Variants in ARHGAP19 observed in about 807,000 individuals in gnomAD.
ARHGAP19 encodes the protein Rho GTPase activating protein 19.
A neutral mutation model predicts 60.9 loss-of-function variants in ARHGAP19; 48 were observed. The observed-to-expected ratio is 0.79, with a 90% CI of 0.62 to 1.00. The LOEUF (loss-of-function observed/expected upper bound fraction) is 1.00. Ranked by LOEUF, ARHGAP19 falls within the 50% of genes least tolerant of loss-of-function variation. The probability of loss-of-function intolerance (pLI) is 0.00; values close to 1 mark genes in which losing one functional copy is unlikely to be tolerated. For synonymous variants in ARHGAP19, 209 were observed against 215.5 expected (o/e 0.97, Z 0.27); for missense variants, 562 against 597.2 (o/e 0.94, Z 0.61).
chr10:97,246,419 C>A, intron 6 of ARHGAP19, 82 bp from the exon 7 acceptor site: 1 of 1,103,592 alleles, frequency 9.1e-7, no homozygotes, highest in Non-Finnish European at 1.4e-6. Flanking sequence ...CAGTGGTTCT[C>A]AAAATCATTT....
intron 4 of ARHGAP19, among the ~76,000 whole-genome samples, chr10:97,262,642 T>C (rs761681878): frequency 5.9e-5 from 9 of 152,054 alleles, no homozygotes; most frequent in Non-Finnish European, 1.2e-4. Context: ...TCCAGCCTAG[T>C]GACAGAGCGA....
intron 1 of ARHGAP19, among the ~76,000 whole-genome samples, chr10:97,272,153 T>TTTTTTTTTTTTTTTTTTTTTTTTTC (rs1277947142): frequency 6.8e-6 from 1 of 147,578 alleles, no homozygotes. Context: ...TTTTTTTTTT[T>TTTTTTTTTTTTTTTTTTTTTTTTTC]CAGACAGAGT....
intron 7 of ARHGAP19, 26 bp downstream of exon 7, chr10:97,246,246 G>C (rs778848553): frequency 5.7e-6 from 9 of 1,586,520 alleles, no homozygotes; most frequent in Non-Finnish European, 6.9e-6. Context: ...TCCTTGTTTG[G>C]GTTAAGAGCA....
chr10:97,245,595 C>CAAA (rs397845381), intron 7 of ARHGAP19, among the ~76,000 whole-genome samples: 3 of 112,332 alleles, frequency 2.7e-5, no homozygotes, highest in African/African-American at 7.1e-5. Context: ...AACCCTATCT[C>CAAA]AAAAAAAAAA....
intron 4 of ARHGAP19, among the ~76,000 whole-genome samples, chr10:97,261,155 TC>T (rs1040544359): frequency 6.6e-6 from 1 of 152,126 alleles, no homozygotes; most frequent in Admixed American, 6.6e-5. Context: ...ATGAAAACAG[TC>T]CCCTGGATAA....
At chr10:97,260,934 TAAAAAAA>T (rs757386929) in intron 4 of ARHGAP19, among the ~76,000 whole-genome samples, 22 of 107,602 alleles carry the variant, frequency 2.0e-4, no homozygotes, top group African/African-American at 7.5e-4. Flanking sequence ...TCTCTATATT[TAAAAAAA>T]AAAAAAAAAA....
intron 8 of ARHGAP19, among the ~76,000 whole-genome samples, chr10:97,237,346 CATA>C (rs1842398893): frequency 6.7e-6 from 1 of 150,222 alleles, no homozygotes; most frequent in South Asian, 2.1e-4. Flanking sequence ...TCATGCACCA[CATA>C]ATGACATTTT....
intron 1 of ARHGAP19, among the ~76,000 whole-genome samples, chr10:97,288,809 CTTTTTTTTTTTTTT>C (rs750951743): frequency 8.3e-6 from 1 of 120,004 alleles, no homozygotes; most frequent in Non-Finnish European, 1.7e-5. Flanking sequence ...AACTTCTCTC[CTTTTTTTTTTTTTT>C]TTTTTTTTTG....
chr10:97,256,501 C>G, intron 5 of ARHGAP19, 97 bp from the exon 6 acceptor site: 1 of 896,554 alleles, frequency 1.1e-6, no homozygotes. Context: ...AGTTTCTATC[C>G]CTAGCCTAGG....
intron 1 of ARHGAP19, among the ~76,000 whole-genome samples, chr10:97,271,519 AT>A (rs1233527502): frequency 6.6e-6 from 1 of 152,158 alleles, no homozygotes; most frequent in Non-Finnish European, 1.5e-5. Flanking sequence ...AAATGACATG[AT>A]CAGTAACGCA....
chr10:97,229,720 A>T (rs1850967689), intron 10 of ARHGAP19, 44 bp downstream of exon 10: 1 of 1,426,452 alleles, frequency 7.0e-7, no homozygotes, highest in Non-Finnish European at 9.7e-7. Flanking sequence ...TCTTTTCTAC[A>T]AATATATACA....
At chr10:97,272,914 G>A (rs1842978174) in intron 1 of ARHGAP19, among the ~76,000 whole-genome samples, 1 of 149,174 alleles carries the variant, frequency 6.7e-6, no homozygotes. Flanking sequence ...GATCTCGGCT[G>A]ACTGCAAGCT....
At chr10:97,246,188 T>C in intron 7 of ARHGAP19, 84 bp downstream of exon 7, 1 of 1,125,464 alleles carries the variant, frequency 8.9e-7, no homozygotes. Flanking sequence ...TCCATGCTTT[T>C]ACTTTGACTT....
In ARHGAP19 at chr10:97,239,935, G is replaced by A. The variant is rs188884785; in HGVS notation, c.1185+4033C>T. On this transcript the variant is annotated intron_variant, in intron 8 of 11. Coordinates refer to ENST00000358531, the MANE Select transcript of ARHGAP19 (RefSeq NM_032900.6). ...TTGGTCAGGCTCGTCTCGAACTCCCGACCTCAGGTGACCGGCCTGCCTCAG... is the reference window on the plus strand; with the variant it reads ...TTGGTCAGGCTCGTCTCGAACTCCCAACCTCAGGTGACCGGCCTGCCTCAG... 2.8e-3 allele frequency among the ~76,000 whole-genome samples: 430 copies of A among 151,802 alleles called. 2 individuals carry two copies. Among genetic ancestry groups the A allele is most frequent in the African/African-American group, 9.0e-3 (374 of 41,386 alleles).
intron 1 of ARHGAP19, among the ~76,000 whole-genome samples, chr10:97,282,254 T>C (rs1843094467): frequency 6.6e-6 from 1 of 152,166 alleles, no homozygotes; most frequent in African/African-American, 2.4e-5. Context: ...AATCCTAAAA[T>C]TGCTAAGCTG....
chr10:97,236,516 G>A (rs773437332), intron 8 of ARHGAP19, among the ~76,000 whole-genome samples: 20 of 152,008 alleles, frequency 1.3e-4, no homozygotes, highest in Non-Finnish European at 2.5e-4. Flanking sequence ...TGGTGGCAAG[G>A]GTACAATAAG....
intron 1 of ARHGAP19, among the ~76,000 whole-genome samples, chr10:97,289,853 A>T (rs1398509999): frequency 6.3e-5 from 7 of 110,832 alleles, no homozygotes; most frequent in African/African-American, 2.5e-4. Context: ...GCCCTGTGTT[A>T]AAAAAAAAAA....
intron 6 of ARHGAP19, among the ~76,000 whole-genome samples, chr10:97,255,009 G>C (rs968198205): frequency 1.3e-5 from 2 of 152,196 alleles, no homozygotes; most frequent in African/African-American, 4.8e-5. Flanking sequence ...GAGGTACTCA[G>C]AGTAGTCAAA....
intron 1 of ARHGAP19, among the ~76,000 whole-genome samples, chr10:97,285,453 C>T (rs565681690): frequency 6.6e-6 from 1 of 151,562 alleles, no homozygotes; most frequent in East Asian, 1.9e-4. Context: ...CTGCTTCAGC[C>T]TCCCAAGTAG....
Sources: allele counts gnomAD v4.1 joint callset (sites outside exome capture counted in the v4.1 genomes callset), GRCh38; gene constraint gnomAD v4.1.1; transcripts MANE v1.5; gene names NCBI Gene and HGNC (gene_info 2026-07-23, HGNC 2026-07-21).